The following PPP1R12A variants were observed in gnomAD, a reference collection of about 807,000 sequenced individuals.
PPP1R12A encodes the protein myosin binding subunit.
A neutral mutation model predicts 139.6 loss-of-function variants in PPP1R12A; 19 were observed. That is an observed-to-expected ratio of 0.14 (90% CI 0.09 to 0.20). The LOEUF (loss-of-function observed/expected upper bound fraction) is 0.20. Ranked by LOEUF, PPP1R12A falls within the 10% of genes least tolerant of loss-of-function variation. PPP1R12A has a pLI of 1.00. For synonymous variants in PPP1R12A, 427 were observed against 420.6 expected, an observed-to-expected ratio of 1.02 and a Z score of -0.19; for missense variants, 925 against 1,211.5, an observed-to-expected ratio of 0.76 and a Z score of 3.51.
At chr12:79,845,543 A>G (rs1249160466) in intron 2 of PPP1R12A, 123 bp from the exon 3 acceptor site, 3 of 676,242 alleles carry the variant, frequency 4.4e-6, no homozygotes. Flanking sequence ...TACATTATTT[A>G]AATTTTAAAA....
At chr12:79,783,867 G>T (rs1032590799) in intron 22 of PPP1R12A, among the ~76,000 whole-genome samples, 4 of 152,166 alleles carry the variant, frequency 2.6e-5, no homozygotes, top group African/African-American at 9.7e-5. Flanking sequence ...AGTTAAAGCT[G>T]TTAAAATCAC....
intron 1 of PPP1R12A, chr12:79,913,990 T>C (rs1592823046): frequency 6.6e-6 from 1 of 152,272 alleles, no homozygotes; most frequent in East Asian, 1.9e-4. Context: ...CTGTCTTAAT[T>C]AAGACATTTA....
chr12:79,900,392 C>T (rs746883640), intron 1 of PPP1R12A, among the ~76,000 whole-genome samples: 2 of 152,136 alleles, frequency 1.3e-5, no homozygotes, highest in Non-Finnish European at 1.5e-5. Context: ...GGATTTTTGT[C>T]TGCTTTGTGA....
chr12:79,831,375 G>C (rs1402771250), intron 4 of PPP1R12A, among the ~76,000 whole-genome samples: 1 of 152,114 alleles, frequency 6.6e-6, no homozygotes, highest in Non-Finnish European at 1.5e-5. Context: ...TTGAGCCCAG[G>C]AGTTCAAGAC....
intron 1 of PPP1R12A, among the ~76,000 whole-genome samples, chr12:79,933,750 T>C (rs755364710): frequency 3.9e-5 from 6 of 152,232 alleles, no homozygotes; most frequent in Non-Finnish European, 7.3e-5. Context: ...TAGTTTCTCC[T>C]TATTTGGCTA....
intron 8 of PPP1R12A, among the ~76,000 whole-genome samples, chr12:79,817,733 C>A (rs1448494577): frequency 6.6e-6 from 1 of 152,128 alleles, no homozygotes; most frequent in Non-Finnish European, 1.5e-5. Flanking sequence ...TAAAGATACA[C>A]AACAAAGCTT....
At chr12:79,790,650 T>C (rs2137005404) in intron 19 of PPP1R12A, among the ~76,000 whole-genome samples, 167 bp from the exon 20 acceptor site, 1 of 152,300 alleles carries the variant, frequency 6.6e-6, no homozygotes, top group Admixed American at 6.5e-5. Context: ...AAAATTTACT[T>C]TCTCGAAATC....
rs779579790 is a variant in PPP1R12A at position 79,781,899 on chromosome 12, CA to C, written c.2908-38del. 1.5e-5 allele frequency: 20 copies of C among 1,342,482 alleles called. 1 individual carries two copies. The allele number at this position is 1,342,482 out of a possible 1,614,324, so 83.2% of individuals were successfully genotyped here. A position where few individuals can be genotyped will look rare whatever the true frequency, so the allele number is the denominator to read the frequency against. On this transcript the variant is annotated intron_variant, in intron 22 of 24. Coordinates refer to ENST00000450142, the MANE Select transcript of PPP1R12A (RefSeq NM_002480.3). ...TAAGAAATTATAAAAGAGATAAGTG[CA>C]AAAAAGTTCAGGGGTGACCACAGTA...
chr12:79,799,491 A>C (rs996097675), intron 14 of PPP1R12A, among the ~76,000 whole-genome samples: 1 of 152,204 alleles, frequency 6.6e-6, no homozygotes, highest in Non-Finnish European at 1.5e-5. Context: ...ATGACACGTC[A>C]GACAACATAT....
chr12:79,824,390 T>G (rs1018968511), intron 5 of PPP1R12A, among the ~76,000 whole-genome samples: 1 of 152,220 alleles, frequency 6.6e-6, no homozygotes, highest in Non-Finnish European at 1.5e-5. Context: ...TGAAAATGTT[T>G]GAACTGTAAT....
intron 1 of PPP1R12A, 146 bp downstream of exon 1, chr12:79,934,549 C>G: frequency 1.3e-6 from 1 of 744,332 alleles, no homozygotes; most frequent in South Asian, 2.0e-5. Flanking sequence ...CTCCCTCCCG[C>G]CCTCTGGGGA....
chr12:79,802,792 T>C (rs1393494573), intron 14 of PPP1R12A, among the ~76,000 whole-genome samples: 2 of 152,076 alleles, frequency 1.3e-5, no homozygotes, highest in Admixed American at 6.6e-5. Flanking sequence ...AAAAAGTTCA[T>C]AGCAAGACAG....
chr12:79,809,440 T>C (rs1040675603), intron 10 of PPP1R12A, among the ~76,000 whole-genome samples: 5 of 152,178 alleles, frequency 3.3e-5, no homozygotes, highest in African/African-American at 1.2e-4. Context: ...CTTATGAGTA[T>C]ACTAACATTC....
chr12:79,832,546 G>A, intron 3 of PPP1R12A, 55 bp from the exon 4 acceptor site: 27 of 1,482,728 alleles, frequency 1.8e-5, no homozygotes, highest in East Asian at 7.3e-5. Flanking sequence ...TTCCATGTTG[G>A]GAAATAAAAC....
At chr12:79,807,359 G>T in intron 11 of PPP1R12A, 29 bp from the exon 12 acceptor site, 1 of 1,352,816 alleles carries the variant, frequency 7.4e-7, no homozygotes, top group Non-Finnish European at 1.0e-6. Flanking sequence ...TCAGATTCTG[G>T]TACATAATTT....
chr12:79,866,560 T>A (rs1446932243), intron 2 of PPP1R12A, among the ~76,000 whole-genome samples: 1 of 152,214 alleles, frequency 6.6e-6, no homozygotes, highest in Non-Finnish European at 1.5e-5. Flanking sequence ...AGAAAATTTT[T>A]GCAATCTATC....
intron 3 of PPP1R12A, among the ~76,000 whole-genome samples, chr12:79,833,651 C>T (rs1045563452): frequency 3.7e-5 from 5 of 135,768 alleles, no homozygotes; most frequent in Non-Finnish European, 6.3e-5. Context: ...ATGGTGACAC[C>T]CCGTCTCTAC....
intron 1 of PPP1R12A, among the ~76,000 whole-genome samples, chr12:79,883,607 G>A (rs938934146): frequency 6.6e-6 from 1 of 152,128 alleles, no homozygotes; most frequent in African/African-American, 2.4e-5. Flanking sequence ...GAATTTATAG[G>A]TGTCTGTACA....
upstream of PPP1R12A, chr12:79,935,300 T>A: frequency 2.3e-5 from 24 of 1,049,586 alleles, no homozygotes; most frequent in South Asian, 3.7e-5. Context: ...CGGTGGTGGC[T>A]GGGCCACCAG....
Sources: allele counts gnomAD v4.1 joint callset (sites outside exome capture counted in the v4.1 genomes callset), GRCh38; gene constraint gnomAD v4.1.1; transcripts MANE v1.5; gene names NCBI Gene and HGNC (gene_info 2026-07-23, HGNC 2026-07-21).